KHDRBS2: variants seen among roughly 807,000 people sequenced by gnomAD.
The protein encoded by KHDRBS2 is KH RNA binding domain containing, signal transduction associated 2, also known as KH domain-containing, RNA-binding, signal transduction-associated protein 2.
In KHDRBS2, 26 loss-of-function variants were observed where a neutral mutation model predicts 44.3. The observed-to-expected ratio is 0.59, with a 90% CI of 0.43 to 0.81. KHDRBS2 has a LOEUF of 0.81. KHDRBS2 is among the 40% of genes least tolerant of loss of function. The pLI is 0.00. For synonymous variants in KHDRBS2, 194 were observed against 151.1 expected, an observed-to-expected ratio of 1.28 and a Z score of -2.08; for missense variants, 476 against 433.1, an observed-to-expected ratio of 1.10 and a Z score of -0.88.
chr6:62,080,419 A>C (rs1286847092), intron 2 of KHDRBS2, among the ~76,000 whole-genome samples: 6 of 152,274 alleles, frequency 3.9e-5, no homozygotes, highest in Non-Finnish European at 7.4e-5. Flanking sequence ...TAGAAATGAC[A>C]ATTTAGAAAA....
intron 1 of KHDRBS2, among the ~76,000 whole-genome samples, chr6:62,231,638 T>C (rs906155199): frequency 6.6e-6 from 1 of 152,134 alleles, no homozygotes; most frequent in Non-Finnish European, 1.5e-5. Context: ...CAAGAGTACA[T>C]CAAGCCTAAT....
At chr6:61,911,935 T>G (rs1392012041) in intron 4 of KHDRBS2, among the ~76,000 whole-genome samples, 1 of 152,046 alleles carries the variant, frequency 6.6e-6, no homozygotes, top group Non-Finnish European at 1.5e-5. Flanking sequence ...TTCCGAATAT[T>G]TAATCATATT....
chr6:62,254,034 T>C (rs1025650591), intron 1 of KHDRBS2, among the ~76,000 whole-genome samples: 11 of 152,012 alleles, frequency 7.2e-5, no homozygotes, highest in African/African-American at 2.7e-4. Flanking sequence ...AACATCACTG[T>C]TGACAGAAAC....
chr6:62,011,441 A>C (rs1295975514), intron 3 of KHDRBS2, among the ~76,000 whole-genome samples: 1 of 152,220 alleles, frequency 6.6e-6, no homozygotes. Flanking sequence ...ATGGCAATAC[A>C]GGTAAATTCC....
At chr6:61,941,806 T>C (rs1812181776) in intron 4 of KHDRBS2, among the ~76,000 whole-genome samples, 1 of 152,072 alleles carries the variant, frequency 6.6e-6, no homozygotes, top group African/African-American at 2.4e-5. Context: ...AAGAAGCAAC[T>C]GTTACACCAG....
chr6:62,073,296 A>G (rs1309147284), intron 2 of KHDRBS2, among the ~76,000 whole-genome samples: 1 of 151,716 alleles, frequency 6.6e-6, no homozygotes, highest in Non-Finnish European at 1.5e-5. Flanking sequence ...GATAATTTGT[A>G]TATTTTTAAC....
the KHDRBS2 span, among the ~76,000 whole-genome samples, chr6:61,649,676 A>G: frequency 6.6e-6 from 1 of 152,186 alleles, no homozygotes; most frequent in Non-Finnish European, 1.5e-5. Flanking sequence ...TAAGGATCAT[A>G]CATAATTCCT....
intron 3 of KHDRBS2, among the ~76,000 whole-genome samples, chr6:61,984,509 A>G (rs1267136721): frequency 6.6e-6 from 1 of 152,178 alleles, no homozygotes; most frequent in African/African-American, 2.4e-5. Context: ...TGAAACAGAG[A>G]TTTACCAAAG....
chr6:61,954,934 A>ATATG (rs1421848783), intron 4 of KHDRBS2, among the ~76,000 whole-genome samples: 2 of 87,140 alleles, frequency 2.3e-5, no homozygotes, highest in African/African-American at 3.3e-5. Context: ...ATACACATAC[A>ATATG]TATGTATGTG....
At chr6:61,955,929 C>A (rs929456490) in intron 4 of KHDRBS2, among the ~76,000 whole-genome samples, 1 of 152,048 alleles carries the variant, frequency 6.6e-6, no homozygotes, top group African/African-American at 2.4e-5. Context: ...ATAGCTACAG[C>A]TAGTAAGCAA....
At chr6:61,627,067 C>T in the KHDRBS2 span, among the ~76,000 whole-genome samples, 1 of 151,576 alleles carries the variant, frequency 6.6e-6, no homozygotes, top group South Asian at 2.1e-4. Flanking sequence ...TCCTGGCTAA[C>T]ACGGTGAAAC....
chr6:61,800,743 T>C (rs774704788), intron 6 of KHDRBS2, among the ~76,000 whole-genome samples: 4 of 152,142 alleles, frequency 2.6e-5, no homozygotes, highest in Non-Finnish European at 5.9e-5. Flanking sequence ...TATCCTGCTA[T>C]GGAAGTTTAT....
intron 1 of KHDRBS2, among the ~76,000 whole-genome samples, chr6:62,185,179 C>T (rs1369143047): frequency 2.6e-5 from 4 of 151,872 alleles, no homozygotes; most frequent in Middle Eastern, 3.4e-3. Context: ...CATTTGTCTC[C>T]CTGTATTTTG....
At chr6:61,604,843 G>A in the KHDRBS2 span, among the ~76,000 whole-genome samples, 7 of 152,100 alleles carry the variant, frequency 4.6e-5, no homozygotes, top group African/African-American at 7.2e-5. Context: ...AGGCCACCAT[G>A]GTCATTTCTT....
chr6:61,700,025 G>A (rs1768402506), intron 7 of KHDRBS2, among the ~76,000 whole-genome samples: 1 of 151,908 alleles, frequency 6.6e-6, no homozygotes, highest in Admixed American at 6.6e-5. Flanking sequence ...TCATATAGGG[G>A]TAGCAAATTC....
At chr6:61,901,886 AGAC>A (rs1337853503) in intron 4 of KHDRBS2, among the ~76,000 whole-genome samples, 1 of 152,244 alleles carries the variant, frequency 6.6e-6, no homozygotes, top group Admixed American at 6.5e-5. Context: ...TCCCTGCTTC[AGAC>A]AACAAGCAGC....
At chr6:62,238,228 T>C (rs1834020235) in intron 1 of KHDRBS2, among the ~76,000 whole-genome samples, 1 of 152,120 alleles carries the variant, frequency 6.6e-6, no homozygotes, top group Admixed American at 6.6e-5. Flanking sequence ...TGAAAAAATA[T>C]GCATCTTTGT....
chr6:61,555,952 C>T, the KHDRBS2 span, among the ~76,000 whole-genome samples: 3 of 152,288 alleles, frequency 2.0e-5, no homozygotes, highest in African/African-American at 7.2e-5. Context: ...CAGTGTTAGC[C>T]AAAGCAATTC....
intron 4 of KHDRBS2, among the ~76,000 whole-genome samples, chr6:61,947,134 C>T (rs17351031): frequency 0.044 from 6,681 of 152,234 alleles, 196 homozygotes; most frequent in Middle Eastern, 0.095. Flanking sequence ...TCTTTTACAT[C>T]TTGTCCATTG....
Sources: allele counts gnomAD v4.1 joint callset (sites outside exome capture counted in the v4.1 genomes callset), GRCh38; gene constraint gnomAD v4.1.1; transcripts MANE v1.5; gene names NCBI Gene and HGNC (gene_info 2026-07-23, HGNC 2026-07-21).